The following NAB1 variants were observed in gnomAD, a reference collection of about 807,000 sequenced individuals.
NAB1 encodes the protein NGFI-A-binding protein 1.
In NAB1, 25 loss-of-function variants were observed where a neutral mutation model predicts 49.9. The observed-to-expected ratio is 0.50, with a 90% CI of 0.37 to 0.70. The LOEUF is 0.70. Among genes scored for constraint, NAB1 ranks in the 30% least tolerant of loss-of-function variants. NAB1 has a pLI of 0.00. For synonymous variants in NAB1, 198 were observed against 215.6 expected (o/e 0.92, Z 0.71); for missense variants, 489 against 575.9 (o/e 0.85, Z 1.54).
chr2:190,653,212 A>G (rs1693756816), intron 2 of NAB1, among the ~76,000 whole-genome samples: 1 of 152,174 alleles, frequency 6.6e-6, no homozygotes, highest in African/African-American at 2.4e-5. Flanking sequence ...AACTTGGAAT[A>G]CTTCAGAGGC....
In NAB1 at chr2:190,659,036, A is replaced by G; in HGVS notation, c.-19-122A>G. The G allele has an allele frequency of 1.6e-6, 1 of 642,868 alleles. No individual in the cohort carries two copies. Among genetic ancestry groups the G allele is most frequent in the South Asian group, 2.1e-5 (1 of 47,510 alleles). The allele number at this position is 642,868 out of a possible 1,614,324, so 39.8% of individuals were successfully genotyped here. ...AGTATGTAGAGAGAATGCTGCCTTC[A>G]CAGGCAGTCACGATGCAGATGCTTC... On this transcript the variant is annotated intron_variant, in intron 3 of 9. Coordinates refer to ENST00000337386, the MANE Select transcript of NAB1 (RefSeq NM_005966.4). This position sits in a 1 kb window ranked among gnomAD's most constrained non-coding sequence, Gnocchi z 6.2.
At position 190,659,669 on chromosome 2, in the gene NAB1, C is replaced by T; in HGVS notation, c.493C>T (p.His165Tyr). ...TGAGTCCAGACTCTGGCAAGGCCAC[C>T]ATGCCACTGAGAGCGAGCACAGCCT... is the stretch of plus-strand genomic sequence containing the variant. ...VGESRLWQGH[H>Y]ATESEHSLSP... The change falls in exon 4 of 10, where the codon CAT becomes TAT. Residue 165 changes from histidine to tyrosine, a missense_variant. Around this residue, in one of 4 missense-constraint regions of NAB1, gnomAD observed 204 missense variants for 220.9 expected, o/e 0.92. Transcript: ENST00000337386. The surrounding 1 kb of genome is among the most constrained non-coding windows in gnomAD (Gnocchi z 6.2). The T allele has an allele frequency of 6.2e-7, 1 of 1,613,848 alleles. No individual in the cohort carries two copies. Among genetic ancestry groups the T allele is most frequent in the Non-Finnish European group, 8.5e-7 (1 of 1,180,022 alleles).
At chr2:190,653,001 T>C (rs890334814) in intron 2 of NAB1, among the ~76,000 whole-genome samples, 2 of 152,206 alleles carry the variant, frequency 1.3e-5, no homozygotes, top group African/African-American at 4.8e-5. Flanking sequence ...CAGCTATCGT[T>C]AGTGTATTTT....
At position 190,677,867 on chromosome 2, in the gene NAB1, A is replaced by G. The variant is rs910591602; in HGVS notation, c.1005+4715A>G. Among the ~76,000 whole-genome samples, 6 of 152,172 alleles carry G rather than the reference A, an allele frequency of 3.9e-5. No homozygotes were observed. Among genetic ancestry groups the G allele is most frequent in the Non-Finnish European group, 7.3e-5 (5 of 68,040 alleles). Reference sequence around the variant, plus strand: ...AGGTGCTAATGATTATTCACAAAGCATCTTACCTGTGAAAAAAACACTATT... The same window carrying G: ...AGGTGCTAATGATTATTCACAAAGCGTCTTACCTGTGAAAAAAACACTATT... On this transcript the variant is annotated intron_variant, in intron 6 of 9. Transcript: ENST00000337386. This position sits in a 1 kb window ranked among gnomAD's most constrained non-coding sequence, Gnocchi z 5.6.
chr2:190,675,604 C>T lies in NAB1; in HGVS notation c.1005+2452C>T, dbSNP rs1283266420. On this transcript the variant is annotated intron_variant, in intron 6 of 9. Coordinates refer to ENST00000337386, the MANE Select transcript of NAB1 (RefSeq NM_005966.4). The surrounding 1 kb of genome is among the most constrained non-coding windows in gnomAD (Gnocchi z 5.2). ...GCTCTGGATTCAAAATTAAGATAATCAGTGTTACTTTTCCCTGTGAATAAC... is the reference window on the plus strand; with the variant it reads ...GCTCTGGATTCAAAATTAAGATAATTAGTGTTACTTTTCCCTGTGAATAAC... 1.3e-5 allele frequency among the ~76,000 whole-genome samples: 2 copies of T among 152,174 alleles called. No individual in the cohort carries two copies. Among genetic ancestry groups the T allele is most frequent in the African/African-American group, 4.8e-5 (2 of 41,436 alleles).
In NAB1 at chr2:190,657,663, A is replaced by T. The variant is rs1693995416; in HGVS notation, c.-19-1495A>T. The stretch of plus-strand genomic sequence containing the variant: ...GCGGAAGTCAAAACAGATGTGGATG[A>T]CACAGAGGTTCCAGGAGATGGGACT... On this transcript the variant is annotated intron_variant, in intron 3 of 9. Coordinates refer to ENST00000337386, the MANE Select transcript of NAB1 (RefSeq NM_005966.4). This position sits in a 1 kb window ranked among gnomAD's most constrained non-coding sequence, Gnocchi z 4.4. 6.6e-6 allele frequency among the ~76,000 whole-genome samples: 1 copy of T among 152,210 alleles called. No individual in the cohort carries two copies. The highest frequency in any genetic ancestry group is 2.4e-5 in the African/African-American group (1 of 41,460).
rs1229346201 is a variant in NAB1, at chr2:190,686,925, T to C, written c.1259-276T>C. The stretch of plus-strand genomic sequence containing the variant: ...TGCCTTATAGAGGAGATGTATTATA[T>C]GCCAAAACTGGAATGCTCACAGGAA... On this transcript the variant is annotated intron_variant, in intron 8 of 9. Coordinates refer to ENST00000337386, the MANE Select transcript of NAB1 (RefSeq NM_005966.4). The surrounding 1 kb of genome is among the most constrained non-coding windows in gnomAD (Gnocchi z 5.5). Among the ~76,000 whole-genome samples, 1 of 152,176 alleles carries C rather than the reference T, an allele frequency of 6.6e-6. No homozygotes were observed. The highest frequency in any genetic ancestry group is 1.5e-5 in the Non-Finnish European group (1 of 68,014).
In NAB1 at chr2:190,688,798, T is replaced by C. The variant is rs1424115045; in HGVS notation, c.1376-1447T>C. On this transcript the variant is annotated intron_variant, in intron 9 of 9. Coordinates refer to ENST00000337386, the MANE Select transcript of NAB1 (RefSeq NM_005966.4). ...TCTTCCTTTCCTTTCTTTCCTTCCT[T>C]TCTTTCCTTTCTTTTCTTTCCTTTC... is the stretch of plus-strand genomic sequence containing the variant. 3.3e-5 allele frequency among the ~76,000 whole-genome samples: 5 copies of C among 152,092 alleles called. No individual in the cohort carries two copies. In the East Asian group the frequency reaches 9.7e-4, roughly 29 times the overall value.
Position 190,659,628 on chromosome 2 carries a change from C to T in NAB1, c.452C>T (p.Ala151Val). The T allele has an allele frequency of 6.2e-7, 1 of 1,614,142 alleles. No individual in the cohort carries two copies. The highest frequency in any genetic ancestry group is 1.3e-5 in the African/African-American group (1 of 75,062). Reference sequence around the variant, plus strand: ...AAGTCAGATGTGGTTGGGAGCCTAGCACTGCAGAGTGTTGGTGAGTCCAGA... The same window carrying T: ...AAGTCAGATGTGGTTGGGAGCCTAGTACTGCAGAGTGTTGGTGAGTCCAGA... ...QGKSDVVGSL[A>V]LQSVGESRLW... Residue 151 changes from alanine (A) to valine (V), a missense_variant, in exon 4 of 10, where the codon GCA (alanine) becomes GTA (valine). By Grantham distance (64) the Ala-to-Val change is moderately conservative. Coordinates refer to ENST00000337386, the MANE Select transcript of NAB1 (RefSeq NM_005966.4). This position sits in a 1 kb window ranked among gnomAD's most constrained non-coding sequence, Gnocchi z 6.2.
In NAB1 at chr2:190,675,751, T is replaced by A. The variant is rs2125776750; in HGVS notation, c.1005+2599T>A. On this transcript the variant is annotated intron_variant, in intron 6 of 9. Transcript: ENST00000337386. The surrounding 1 kb of genome is among the most constrained non-coding windows in gnomAD (Gnocchi z 5.2). ...ATAAGTAGTAACTACACCTTTGAATTTAGGACAGTGGCTCACTTTTTTGTT... is the reference window on the plus strand; with the variant it reads ...ATAAGTAGTAACTACACCTTTGAATATAGGACAGTGGCTCACTTTTTTGTT... Among the ~76,000 whole-genome samples, 1 of 152,306 alleles carries A rather than the reference T, an allele frequency of 6.6e-6. No homozygotes were observed. Among genetic ancestry groups the A allele is most frequent in the Non-Finnish European group, 1.5e-5 (1 of 68,034 alleles).
chr2:190,657,588 AACCTGGTTAT>A lies in NAB1; in HGVS notation c.-20+1436_-20+1445del, dbSNP rs1693988995. Among the ~76,000 whole-genome samples the A allele has an allele frequency of 6.6e-6, 1 of 152,244 alleles. No individual in the cohort carries two copies. Among genetic ancestry groups the A allele is most frequent in the Non-Finnish European group, 1.5e-5 (1 of 68,036 alleles). ...GTTGTCTTTTGGGAAGTCATCAGGT[AACCTGGTTAT>A]GCCCATACTAGCCCTTGCAAAGAAA... On this transcript the variant is annotated intron_variant, in intron 3 of 9. Coordinates refer to ENST00000337386, the MANE Select transcript of NAB1 (RefSeq NM_005966.4). The surrounding 1 kb of genome is among the most constrained non-coding windows in gnomAD (Gnocchi z 4.4).
intron 2 of NAB1, chr2:190,653,833 GTTCCT>G (rs1480197764): frequency 1.3e-5 from 2 of 152,222 alleles, no homozygotes; most frequent in Non-Finnish European, 2.9e-5. Flanking sequence ...ACCACTTGTA[GTTCCT>G]GTATTGGCAG....
Position 190,690,322 on chromosome 2 carries a change from G to T in NAB1, c.1453G>T (p.Asp485Tyr). The stretch of plus-strand genomic sequence containing the variant: ...GAAAGTCATCAAAACAGAGCCTGAA[G>T]ATTCAAGATAGCTGTGATTTCTCTC... ...EKKVIKTEPE[D>Y]SR The change falls in exon 10 of 10, where the codon GAT becomes TAT. Residue 485 changes from aspartate to tyrosine, a missense_variant. Physicochemically the swap from Asp to Tyr is radical, Grantham distance 160. Coordinates refer to ENST00000337386, the MANE Select transcript of NAB1 (RefSeq NM_005966.4). 6.2e-7 allele frequency: 1 copy of T among 1,609,394 alleles called. No homozygotes were observed. Among genetic ancestry groups the T allele is most frequent in the Non-Finnish European group, 8.5e-7 (1 of 1,176,616 alleles).
intron 6 of NAB1, 98 bp downstream of exon 6, chr2:190,673,250 A>G: frequency 9.1e-7 from 1 of 1,099,494 alleles, no homozygotes; most frequent in Non-Finnish European, 1.4e-6. Flanking sequence ...AGATGGTCCC[A>G]TAAACTAGTG....
chr2:190,661,580 C>T (rs779871749), intron 4 of NAB1, among the ~76,000 whole-genome samples: 4 of 152,046 alleles, frequency 2.6e-5, no homozygotes, highest in Non-Finnish European at 5.9e-5. Context: ...AAAAAAAAAT[C>T]ATACCCTACT....
Position 190,683,867 on chromosome 2 carries a change from G to A in NAB1, c.1095+40G>A, listed in dbSNP as rs748278741. On this transcript the variant is annotated intron_variant, in intron 7 of 9. Coordinates refer to ENST00000337386, the MANE Select transcript of NAB1 (RefSeq NM_005966.4). ...CAGTTATTACTCCATGATAGTATCT[G>A]AAGGTTAAAAAATAAATGACTACTT... 2.0e-6 allele frequency: 3 copies of A among 1,479,852 alleles called. No homozygotes were observed. In the South Asian group the frequency reaches 3.6e-5, roughly 18 times the overall value. The allele number at this position is 1,479,852 out of a possible 1,614,324, so 91.7% of individuals were successfully genotyped here. A position where few individuals can be genotyped will look rare whatever the true frequency, so the allele number is the denominator to read the frequency against.
Position 190,689,248 on chromosome 2 carries a change from C to T in NAB1, c.1376-997C>T, listed in dbSNP as rs1381889354. 1.3e-5 allele frequency among the ~76,000 whole-genome samples: 2 copies of T among 152,138 alleles called. No homozygotes were observed. The highest frequency in any genetic ancestry group is 3.9e-4 in the East Asian group (2 of 5,192). ...CTGACTGAGTTACTTAAGTACTCGT[C>T]CTTCAGTTGCTTCATTGGTAAAAGA... On this transcript the variant is annotated intron_variant, in intron 9 of 9. Transcript: ENST00000337386. This position sits in a 1 kb window ranked among gnomAD's most constrained non-coding sequence, Gnocchi z 4.3.
Position 190,670,578 on chromosome 2 carries a change from A to G in NAB1, c.953+119A>G, listed in dbSNP as rs547901869. 8 of 1,125,442 alleles carry G rather than the reference A, an allele frequency of 7.1e-6. No individual in the cohort carries two copies. The highest frequency in any genetic ancestry group is 1.6e-5 in the South Asian group (1 of 64,112). The allele number at this position is 1,125,442 out of a possible 1,614,324, so 69.7% of individuals were successfully genotyped here. A position where few individuals can be genotyped will look rare whatever the true frequency, so the allele number is the denominator to read the frequency against. On this transcript the variant is annotated intron_variant, in intron 5 of 9. Transcript: ENST00000337386. This position sits in a 1 kb window ranked among gnomAD's most constrained non-coding sequence, Gnocchi z 5.3. ...AAAGTGGAAGTATGATTATTGTTCT[A>G]TGAAACTAAACAATGCAGTGATTTT...
intron 4 of NAB1, among the ~76,000 whole-genome samples, chr2:190,660,943 A>AT (rs35775676): frequency 0.24 from 34,152 of 144,734 alleles, 4,706 homozygotes; most frequent in South Asian, 0.34. Flanking sequence ...GTCATAGCTA[A>AT]TTTTTTTTTT....
Sources: allele counts gnomAD v4.1 joint callset (sites outside exome capture counted in the v4.1 genomes callset), GRCh38; gene constraint gnomAD v4.1.1; regional missense constraint gnomAD v4.1.1; non-coding constraint Gnocchi (gnomAD v3.1); transcripts MANE v1.5; gene names NCBI Gene and HGNC (gene_info 2026-07-23, HGNC 2026-07-21).